PASK: variants seen among roughly 807,000 people sequenced by gnomAD.
The protein encoded by PASK is PAS domain containing serine/threonine kinase.
Under a neutral mutation model 121.0 loss-of-function variants are expected in PASK, and 110 were observed. The observed-to-expected ratio is 0.91, with a 90% CI of 0.78 to 1.06. The LOEUF (loss-of-function observed/expected upper bound fraction) is 1.06. PASK is among the 50% of genes least tolerant of loss of function. The probability of loss-of-function intolerance (pLI) is 0.00; values close to 1 mark genes in which losing one functional copy is unlikely to be tolerated. For missense variants in PASK, 1,643 were observed against 1,702.3 expected, an observed-to-expected ratio of 0.97 and a Z score of 0.61; for synonymous variants, 686 against 717.8, an observed-to-expected ratio of 0.96 and a Z score of 0.71.
intron 9 of PASK, among the ~76,000 whole-genome samples, chr2:241,129,397 A>G (rs1319205567): frequency 6.6e-6 from 1 of 152,154 alleles, no homozygotes; most frequent in Non-Finnish European, 1.5e-5. Context: ...CAGAAAAGTC[A>G]TATGACCACT....
upstream of PASK, chr2:241,150,111 G>GC: frequency 3.2e-6 from 4 of 1,260,098 alleles, no homozygotes; most frequent in South Asian, 4.4e-5. Context: ...CTGGCCCGCG[G>GC]CCCCTCCACG....
chr2:241,150,054 G>A (rs1559412228), upstream of PASK: 1 of 1,363,490 alleles, frequency 7.3e-7, no homozygotes, highest in Admixed American at 3.2e-5. Context: ...AGAGGTCAGG[G>A]ATGCACGTAG....
rs60698130 is a variant in PASK at position 241,108,893 on chromosome 2, A to G, written c.3534-593T>C. ...GTTCACACAGTGGGCCAAATGGAGGAGCAAGCTTCAGGGAGAAGACACCCA... is the reference window on the plus strand; with the variant it reads ...GTTCACACAGTGGGCCAAATGGAGGGGCAAGCTTCAGGGAGAAGACACCCA... On this transcript the variant is annotated intron_variant, in intron 15 of 17. Coordinates refer to ENST00000234040, the MANE Select transcript of PASK (RefSeq NM_015148.4). This position sits in a 1 kb window ranked among gnomAD's most constrained non-coding sequence, Gnocchi z 5.2. The G allele has an allele frequency of 0.07, 12,285 of 176,132 alleles. 601 individuals carry two copies. The highest frequency in any genetic ancestry group is 0.2 in the East Asian group (1,245 of 6,292). 10.9% of individuals were successfully genotyped at this position (176,132 alleles called of 1,614,324 possible).
rs932941694 is a variant in PASK at position 241,114,831 on chromosome 2, T to C, written c.3333+212A>G. 72 of 1,469,498 alleles carry C rather than the reference T, an allele frequency of 4.9e-5. No homozygotes were observed. Among genetic ancestry groups the C allele is most frequent in the Admixed American group, 2.4e-4 (9 of 37,884 alleles). 91.0% of individuals were successfully genotyped at this position (1,469,498 alleles called of 1,614,324 possible). ...CTTTCTCAGTCATTCCAGGACTGTA[T>C]CTGGCCTCATCCTTCCTTCCCAACC... On this transcript the variant is annotated intron_variant, in intron 14 of 17. Transcript: ENST00000234040.
At chr2:241,121,428 C>A (rs1441845054) in intron 12 of PASK, among the ~76,000 whole-genome samples, 1 of 151,978 alleles carries the variant, frequency 6.6e-6, no homozygotes, top group African/African-American at 2.4e-5. Flanking sequence ...ATATAGTCAA[C>A]AGAAAGTAGG....
intron 8 of PASK, chr2:241,134,870 C>T (rs2066334169): frequency 6.6e-6 from 1 of 152,442 alleles, no homozygotes; most frequent in Non-Finnish European, 1.5e-5. Flanking sequence ...ACTCCAGAAC[C>T]ACACCCAGTG....
chr2:241,140,772 C>T lies in PASK; in HGVS notation c.197-19G>A, dbSNP rs771990263. 39 of 1,555,182 alleles carry T rather than the reference C, an allele frequency of 2.5e-5. No homozygotes were observed. The highest frequency in any genetic ancestry group is 3.1e-5 in the Non-Finnish European group (35 of 1,127,482). On this transcript the variant is annotated intron_variant, in intron 2 of 17. Coordinates refer to ENST00000234040, the MANE Select transcript of PASK (RefSeq NM_015148.4). ...CTGTCTTCTGAAAAGAGAAGCGAAGCGAAGCTTTAGACTTCACACAGCTGC... is the reference window on the plus strand; with the variant it reads ...CTGTCTTCTGAAAAGAGAAGCGAAGTGAAGCTTTAGACTTCACACAGCTGC...
At chr2:241,137,882 G>A (rs550169044) in intron 6 of PASK, 71 bp downstream of exon 6, 181 of 1,554,098 alleles carry the variant, frequency 1.2e-4, no homozygotes, top group Non-Finnish European at 1.6e-4. Flanking sequence ...CCCTTGGTCT[G>A]CGTCTCCAGT....
At chr2:241,123,820 G>GA (rs745583195) in intron 11 of PASK, 129 bp downstream of exon 11, 41,067 of 652,542 alleles carry the variant, frequency 0.063, 15 homozygotes, top group Non-Finnish European at 0.065. Context: ...CTCCGTCCCA[G>GA]AAAAAAAAAA....
intron 15 of PASK, among the ~76,000 whole-genome samples, chr2:241,111,785 C>T (rs886866989): frequency 4.6e-5 from 7 of 152,240 alleles, no homozygotes; most frequent in African/African-American, 1.7e-4. Flanking sequence ...ACAGCCCCTC[C>T]AGCCAAGGGC....
At chr2:241,116,644 T>G (rs1313203697) in intron 12 of PASK, among the ~76,000 whole-genome samples, 3 of 152,156 alleles carry the variant, frequency 2.0e-5, no homozygotes, top group Non-Finnish European at 4.4e-5. Flanking sequence ...AAGGTAAATA[T>G]AAGAAAAACA....
intron 8 of PASK, 76 bp from the exon 9 acceptor site, chr2:241,133,106 C>A: frequency 7.2e-7 from 1 of 1,390,180 alleles, no homozygotes. Context: ...TCGCCTGGAA[C>A]TCACTGAGAC....
Position 241,132,378 on chromosome 2 carries a change from T to C in PASK, c.1463+496A>G, listed in dbSNP as rs187155186. ...AAAAATACAAAAAAGTAACCGGGCG[T>C]GGTGGCGGGCGCCTGTAGTCCCCAG... On this transcript the variant is annotated intron_variant, in intron 9 of 17. Coordinates refer to ENST00000234040, the MANE Select transcript of PASK (RefSeq NM_015148.4). 1.0e-3 allele frequency among the ~76,000 whole-genome samples: 150 copies of C among 150,080 alleles called. 3 individuals are homozygous for C. The highest frequency in any genetic ancestry group is 3.2e-3 in the African/African-American group (133 of 40,994).
At chr2:241,129,020 G>A (rs878915757) in intron 9 of PASK, among the ~76,000 whole-genome samples, 22 of 118,110 alleles carry the variant, frequency 1.9e-4, no homozygotes, top group East Asian at 1.2e-3. Flanking sequence ...CATGTCTCCC[G>A]CCTCTCTCCC....
chr2:241,133,432 C>T lies in PASK; in HGVS notation c.1307-402G>A, dbSNP rs1337947068. Reference sequence around the variant, plus strand: ...AGTATTAGAGGCCTTGGGATCATGGCTCCTGATCCCAGAAATGCTGTACCT... The same window carrying T: ...AGTATTAGAGGCCTTGGGATCATGGTTCCTGATCCCAGAAATGCTGTACCT... On this transcript the variant is annotated intron_variant, in intron 8 of 17. Transcript: ENST00000234040. The T allele has an allele frequency of 1.8e-4, 56 of 316,948 alleles. No individual in the cohort carries two copies. In the Admixed American group the frequency reaches 2.4e-3, roughly 14 times the overall value. 19.6% of individuals were successfully genotyped at this position (316,948 alleles called of 1,614,324 possible).
intron 1 of PASK, 80 bp downstream of exon 1, chr2:241,149,334 G>T (rs917001650): frequency 7.9e-6 from 2 of 252,304 alleles, no homozygotes; most frequent in African/African-American, 2.3e-5. Flanking sequence ...TGGGCCAGGG[G>T]CGCGGAGCCG....
rs75811104 is a variant in PASK, at chr2:241,112,923, C to A, written c.3334-484G>T. 0.083 allele frequency: 14,109 copies of A among 170,970 alleles called. 717 individuals are homozygous for A. The highest frequency in any genetic ancestry group is 0.14 in the African/African-American group (5,883 of 41,634). 10.6% of individuals were successfully genotyped at this position (170,970 alleles called of 1,614,324 possible). A position where few individuals can be genotyped will look rare whatever the true frequency, so the allele number is the denominator to read the frequency against. ...AGTGACTTGCCCAGAGTTCAGGCAG[C>A]AATTTGGGGCAGAGCTGGGAGCACA... is the stretch of plus-strand genomic sequence containing the variant. On this transcript the variant is annotated intron_variant, in intron 14 of 17. Coordinates refer to ENST00000234040, the MANE Select transcript of PASK (RefSeq NM_015148.4). The surrounding 1 kb of genome is among the most constrained non-coding windows in gnomAD (Gnocchi z 5.2).
chr2:241,123,845 A>AGACTG, intron 11 of PASK, 104 bp downstream of exon 11: 1 of 955,048 alleles, frequency 1.0e-6, no homozygotes, highest in East Asian at 2.5e-5. Context: ...AGCTACAAAC[A>AGACTG]GACTGTATTC....
chr2:241,114,597 T>A, intron 14 of PASK: 1 of 1,051,716 alleles, frequency 9.5e-7, no homozygotes, highest in Non-Finnish European at 1.1e-6. Context: ...AGACAAATAC[T>A]TACTGAAAAG....
Sources: gnomAD v4.1 joint callset for allele counts (sites outside exome capture counted in the v4.1 genomes callset) on GRCh38, gnomAD v4.1.1 for gene constraint, Gnocchi (gnomAD v3.1) non-coding constraint, MANE v1.5 for transcripts, NCBI Gene and HGNC (gene_info 2026-07-23, HGNC 2026-07-21) for gene names.